The following SIGLEC15 variants were observed in gnomAD, a reference collection of about 807,000 sequenced individuals.
SIGLEC15 encodes the protein sialic acid binding Ig like lectin 15, also known as sialic acid-binding Ig-like lectin 15.
In SIGLEC15, 31 loss-of-function variants were observed where a neutral mutation model predicts 26.2. The ratio of observed to expected loss-of-function variants is 1.18; its 90% CI spans 0.89 to 1.60. The LOEUF (loss-of-function observed/expected upper bound fraction) is 1.60, where lower values mean the gene tolerates loss of function less well. Ranked by LOEUF, SIGLEC15 falls within the 40% of genes most tolerant of loss-of-function variation. SIGLEC15 has a pLI of 0.00. For missense variants in SIGLEC15, 501 were observed against 488.4 expected, an observed-to-expected ratio of 1.03 and a Z score of -0.24; for synonymous variants, 207 against 221.9, an observed-to-expected ratio of 0.93 and a Z score of 0.60.
chr18:45,831,584 C>A (rs1191222961), intron 1 of SIGLEC15, among the ~76,000 whole-genome samples: 2 of 152,160 alleles, frequency 1.3e-5, no homozygotes, highest in Non-Finnish European at 2.9e-5. Context: ...GAGTCTCTAG[C>A]ACATGGTAAA....
At chr18:45,828,798 G>A (rs1217252816) in intron 1 of SIGLEC15, among the ~76,000 whole-genome samples, 1 of 152,182 alleles carries the variant, frequency 6.6e-6, no homozygotes. Flanking sequence ...CGCTAGTTCT[G>A]AACTGCCGCA....
intron 4 of SIGLEC15, among the ~76,000 whole-genome samples, 197 bp downstream of exon 4, chr18:45,839,292 A>C (rs2048305078): frequency 6.6e-6 from 1 of 152,212 alleles, no homozygotes; most frequent in African/African-American, 2.4e-5. Flanking sequence ...GCAATAAGGA[A>C]GCTGAGGCTC....
At chr18:45,838,092 A>G (rs188515257) in intron 3 of SIGLEC15, among the ~76,000 whole-genome samples, 196 bp downstream of exon 3, 1 of 152,326 alleles carries the variant, frequency 6.6e-6, no homozygotes, top group Admixed American at 6.5e-5. Context: ...TGCAGAATCC[A>G]GGTCCCAGGA....
At position 45,838,991 on chromosome 18, in the gene SIGLEC15, G is replaced by C. The variant is rs1160660855; in HGVS notation, c.770G>C (p.Gly257Ala). Residue 257 changes from glycine (G) to alanine (A), a missense_variant, in exon 4 of 6, where the codon GGC (glycine) becomes GCC (alanine). Gly to Ala is a moderately conservative substitution (Grantham distance 60). Coordinates refer to ENST00000389474, the MANE Select transcript of SIGLEC15 (RefSeq NM_213602.3). ...EASVYLFRFHGASGASTVALL... is the reference protein window; with the variant it reads ...EASVYLFRFHAASGASTVALL... Reference sequence around the variant, plus strand: ...AGCGTCTACCTGTTCCGCTTCCATGGCGCCAGCGGGGCCTCGACGGTCGCC... The same window carrying C: ...AGCGTCTACCTGTTCCGCTTCCATGCCGCCAGCGGGGCCTCGACGGTCGCC... The C allele has an allele frequency of 1.9e-6, 3 of 1,598,026 alleles. No individual in the cohort carries two copies. Among genetic ancestry groups the C allele is most frequent in the Non-Finnish European group, 2.5e-6 (3 of 1,176,780 alleles).
In SIGLEC15 at chr18:45,842,442, T is replaced by TGAGAGAGA; in HGVS notation, c.*267_*274dup. 2.9e-6 allele frequency: 1 copy of TGAGAGAGA among 344,426 alleles called. No individual in the cohort carries two copies. The highest frequency in any genetic ancestry group is 5.4e-6 in the Non-Finnish European group (1 of 185,544). 21.3% of individuals were successfully genotyped at this position (344,426 alleles called of 1,614,324 possible). On this transcript the variant is annotated 3_prime_UTR_variant, in exon 6 of 6. Transcript: ENST00000389474. ...ATACGTCTGTGTGTGTGTGTGTGTGTGAGAGAGAGAGAGAGAGAGTACACG... is the reference window on the plus strand; with the variant it reads ...ATACGTCTGTGTGTGTGTGTGTGTGTGAGAGAGAGAGAGAGAGAGAGAGAGAGTACACG...
At chr18:45,837,383 A>G in intron 2 of SIGLEC15, 130 bp from the exon 3 acceptor site, 1 of 1,317,612 alleles carries the variant, frequency 7.6e-7, no homozygotes, top group East Asian at 2.8e-5. Flanking sequence ...GTGGGGGACG[A>G]TCCCTGAGTC....
chr18:45,832,110 G>A (rs990933243), intron 1 of SIGLEC15, among the ~76,000 whole-genome samples: 9 of 152,240 alleles, frequency 5.9e-5, no homozygotes, highest in Non-Finnish European at 1.2e-4. Context: ...CAGGACTAGT[G>A]AGGGAAGGGA....
chr18:45,842,442 TGAGA>T lies in SIGLEC15; in HGVS notation c.*271_*274del, dbSNP rs61267857. ...ATACGTCTGTGTGTGTGTGTGTGTG[TGAGA>T]GAGAGAGAGAGAGAGTACACGCATT... On this transcript the variant is annotated 3_prime_UTR_variant, in exon 6 of 6. Coordinates refer to ENST00000389474, the MANE Select transcript of SIGLEC15 (RefSeq NM_213602.3). The T allele has an allele frequency of 2.0e-3, 688 of 341,028 alleles. No homozygotes were observed. The highest frequency in any genetic ancestry group is 3.4e-3 in the Middle Eastern group (4 of 1,170). The allele number at this position is 341,028 out of a possible 1,614,324, so 21.1% of individuals were successfully genotyped here.
rs767563004 is a variant in SIGLEC15, at chr18:45,838,810, C to T, written c.589C>T (p.Leu197Phe). Residue 197 changes from leucine (L) to phenylalanine (F), a missense_variant, in exon 4 of 6, where the codon CTC (leucine) becomes TTC (phenylalanine). Physicochemically the swap from Leu to Phe is conservative, Grantham distance 22 (BLOSUM62 0). Coordinates refer to ENST00000389474, the MANE Select transcript of SIGLEC15 (RefSeq NM_213602.3). The part of the protein sequence containing the change: ...CTAEGEPPPA[L>F]AWSGPALGNS... ...TGCCGAAGGGGAGCCGCCGCCCGCC[C>T]TCGCCTGGTCCGGCCCGGCCCTGGG... The T allele has an allele frequency of 1.9e-6, 3 of 1,559,404 alleles. No homozygotes were observed. Among genetic ancestry groups the T allele is most frequent in the Non-Finnish European group, 2.6e-6 (3 of 1,159,316 alleles).
At chr18:45,830,583 C>CTTTTTTTTTTTTTTTTTTTTT (rs56404391) in intron 1 of SIGLEC15, among the ~76,000 whole-genome samples, 1 of 96,702 alleles carries the variant, frequency 1.0e-5, no homozygotes, top group Non-Finnish European at 1.9e-5. Flanking sequence ...ATTTTTCTTT[C>CTTTTTTTTTTTTTTTTTTTTT]TTTTTTTTTT....
In SIGLEC15 at chr18:45,837,614, CA is replaced by C; in HGVS notation, c.215del (p.His72ProfsTer6). 2 of 1,509,492 alleles carry C rather than the reference CA, an allele frequency of 1.3e-6. No individual in the cohort carries two copies. Among genetic ancestry groups the C allele is most frequent in the Non-Finnish European group, 1.8e-6 (2 of 1,136,686 alleles). 93.5% of individuals were successfully genotyped at this position (1,509,492 alleles called of 1,614,324 possible). A position where few individuals can be genotyped will look rare whatever the true frequency, so the allele number is the denominator to read the frequency against. On this transcript the variant is annotated frameshift_variant, in exon 3 of 6. Transcript: ENST00000389474. LOFTEE classifies it high-confidence loss of function. Reference sequence around the variant, plus strand: ...CTGCACCTTCACGCACCCGCACCGCCACTACGACGGGCCGCTGACGGCCATC... The same window carrying C: ...CTGCACCTTCACGCACCCGCACCGCCCTACGACGGGCCGCTGACGGCCATC... ...LPCTFTHPHR[H>X]YDGPLTAIWR...
rs1283813365 is a variant in SIGLEC15, at chr18:45,842,228, G to C, written c.*41G>C. ...CCAACATCCATTTCAGCACTGTAAA[G>C]AACAAAGGCCAGTGCGAGGCTTGGC... On this transcript the variant is annotated 3_prime_UTR_variant, in exon 6 of 6. Coordinates refer to ENST00000389474, the MANE Select transcript of SIGLEC15 (RefSeq NM_213602.3). 6.2e-7 allele frequency: 1 copy of C among 1,607,216 alleles called. No homozygotes were observed. The highest frequency in any genetic ancestry group is 8.5e-7 in the Non-Finnish European group (1 of 1,173,758).
At chr18:45,827,468 C>T in intron 1 of SIGLEC15, among the ~76,000 whole-genome samples, 1 of 152,216 alleles carries the variant, frequency 6.6e-6, no homozygotes, top group East Asian at 1.9e-4. Flanking sequence ...TTGGGTCCCA[C>T]TGAGACAGTG....
chr18:45,838,985 T>C lies in SIGLEC15; in HGVS notation c.764T>C (p.Phe255Ser). The C allele has an allele frequency of 6.2e-7, 1 of 1,600,192 alleles. No individual in the cohort carries two copies. Among genetic ancestry groups the C allele is most frequent in the Non-Finnish European group, 8.5e-7 (1 of 1,177,240 alleles). ...RSEASVYLFR[F>S]HGASGASTVA... is the part of the protein sequence containing the mutation. The stretch of plus-strand genomic sequence containing the variant: ...GAGGCCAGCGTCTACCTGTTCCGCT[T>C]CCATGGCGCCAGCGGGGCCTCGACG... Residue 255 changes from phenylalanine to serine, a missense_variant, in exon 4 of 6, where the codon TTC becomes TCC. Physicochemically the swap from Phe to Ser is radical, Grantham distance 155. Coordinates refer to ENST00000389474, the MANE Select transcript of SIGLEC15 (RefSeq NM_213602.3).
intron 1 of SIGLEC15, among the ~76,000 whole-genome samples, chr18:45,834,047 T>C (rs1049380784): frequency 6.6e-6 from 1 of 152,212 alleles, no homozygotes; most frequent in African/African-American, 2.4e-5. Context: ...TCTATGCTGA[T>C]TGATGTCCAC....
Position 45,838,771 on chromosome 18 carries a change from C to A in SIGLEC15, c.550C>A (p.Arg184Ser). ...GCTGCCCAGTCCGGCTCACGCCTTC[C>A]GCGCGCTCTGCACTGCCGAAGGGGA... Reference protein sequence around the residue: ...SVLPSPAHAFRALCTAEGEPP... With the variant: ...SVLPSPAHAFSALCTAEGEPP... Residue 184 changes from arginine to serine, a missense_variant, in exon 4 of 6, where the codon CGC (arginine) becomes AGC (serine). Arg to Ser is a moderately radical substitution (Grantham distance 110). Transcript: ENST00000389474. The A allele has an allele frequency of 3.2e-6, 5 of 1,574,360 alleles. No individual in the cohort carries two copies. The highest frequency in any genetic ancestry group is 4.3e-6 in the Non-Finnish European group (5 of 1,168,208).
At chr18:45,842,012 G>A (rs1353354187) in intron 5 of SIGLEC15, 94 bp from the exon 6 acceptor site, 1 of 1,139,408 alleles carries the variant, frequency 8.8e-7, no homozygotes, top group East Asian at 2.4e-5. Flanking sequence ...TCCCCAGAAT[G>A]TCTCCTCTTC....
chr18:45,838,819 T>TCCGGC lies in SIGLEC15; in HGVS notation c.606_610dup (p.Leu204ArgfsTer20). 1.9e-6 allele frequency: 3 copies of TCCGGC among 1,560,542 alleles called. No individual in the cohort carries two copies. Among genetic ancestry groups the TCCGGC allele is most frequent in the Non-Finnish European group, 2.6e-6 (3 of 1,159,632 alleles). ...GGAGCCGCCGCCCGCCCTCGCCTGG[T>TCCGGC]CCGGCCCGGCCCTGGGCAACAGCTT... is the stretch of plus-strand genomic sequence containing the variant. On this transcript the variant is annotated frameshift_variant, in exon 4 of 6. Coordinates refer to ENST00000389474, the MANE Select transcript of SIGLEC15 (RefSeq NM_213602.3). LOFTEE classifies it high-confidence loss of function.
In SIGLEC15 at chr18:45,837,687, C is replaced by G. The variant is rs1266050142; in HGVS notation, c.287C>G (p.Ala96Gly). The G allele has an allele frequency of 1.4e-6, 2 of 1,478,418 alleles. No homozygotes were observed. The highest frequency in any genetic ancestry group is 1.8e-6 in the Non-Finnish European group (2 of 1,124,334). 91.6% of individuals were successfully genotyped at this position (1,478,418 alleles called of 1,614,324 possible). A position where few individuals can be genotyped will look rare whatever the true frequency, so the allele number is the denominator to read the frequency against. ...GCGGGCCCGCAGGTGTTCCGCTGCG[C>G]TGCGGCGCGGGGCAGCGAGCTCTGC... ...PYAGPQVFRC[A>G]AARGSELCQT... The change falls in exon 3 of 6, where the codon GCT (alanine) becomes GGT (glycine). Residue 96 changes from alanine to glycine, a missense_variant. By Grantham distance (60) the Ala-to-Gly change is moderately conservative (BLOSUM62 0). Coordinates refer to ENST00000389474, the MANE Select transcript of SIGLEC15 (RefSeq NM_213602.3).
Sources: gnomAD v4.1 joint callset for allele counts (sites outside exome capture counted in the v4.1 genomes callset) on GRCh38, gnomAD v4.1.1 for gene constraint, MANE v1.5 for transcripts, NCBI Gene and HGNC (gene_info 2026-07-23, HGNC 2026-07-21) for gene names.